Variants in ADCY2 observed in about 807,000 individuals in gnomAD.
The protein encoded by ADCY2 is adenylate cyclase type 2.
A neutral mutation model predicts 125.2 loss-of-function variants in ADCY2; 31 were observed. The observed-to-expected ratio is 0.25, with a 90% CI of 0.19 to 0.33. The LOEUF is 0.33. Among genes scored for constraint, ADCY2 ranks in the 10% least tolerant of loss-of-function variants. The probability of loss-of-function intolerance (pLI) is 1.00; values close to 1 mark genes in which losing one functional copy is unlikely to be tolerated. For synonymous variants in ADCY2, 512 were observed against 548.4 expected, an observed-to-expected ratio of 0.93 and a Z score of 0.93; for missense variants, 904 against 1,418.2, an observed-to-expected ratio of 0.64 and a Z score of 5.82.
intron 15 of ADCY2, 28 bp downstream of exon 15, chr5:7,743,780 G>T: frequency 6.2e-7 from 1 of 1,602,090 alleles, no homozygotes; most frequent in South Asian, 1.1e-5. Context: ...GCGCTTCTTT[G>T]AAAAGTATGC....
intron 3 of ADCY2, among the ~76,000 whole-genome samples, chr5:7,621,814 T>C (rs1737964424): frequency 6.6e-6 from 1 of 152,124 alleles, no homozygotes; most frequent in South Asian, 2.1e-4. Context: ...ACCCCACGTT[T>C]ACATCAAGAG....
chr5:7,655,067 T>C (rs1053008618), intron 4 of ADCY2, among the ~76,000 whole-genome samples: 2 of 152,176 alleles, frequency 1.3e-5, no homozygotes, highest in East Asian at 1.9e-4. Context: ...GAGTTTGGGG[T>C]GGATGGCTCC....
At chr5:7,626,710 C>T (rs947141474) in intron 4 of ADCY2, among the ~76,000 whole-genome samples, 3 of 152,104 alleles carry the variant, frequency 2.0e-5, no homozygotes, top group African/African-American at 7.2e-5. Flanking sequence ...AACCAACTCT[C>T]ATGGGAACAA....
intron 4 of ADCY2, among the ~76,000 whole-genome samples, chr5:7,680,884 C>A (rs1005065939): frequency 6.6e-6 from 1 of 152,076 alleles, no homozygotes; most frequent in Non-Finnish European, 1.5e-5. Flanking sequence ...GGAGGAGTCC[C>A]TGAAAGAAAA....
At chr5:7,496,723 C>T (rs1244839551) in intron 2 of ADCY2, among the ~76,000 whole-genome samples, 1 of 152,100 alleles carries the variant, frequency 6.6e-6, no homozygotes, top group African/African-American at 2.4e-5. Context: ...TTGAAAACCA[C>T]TAGCATTAAT....
chr5:7,657,076 A>G (rs1739364085), intron 4 of ADCY2, among the ~76,000 whole-genome samples: 1 of 152,220 alleles, frequency 6.6e-6, no homozygotes, highest in Non-Finnish European at 1.5e-5. Flanking sequence ...TGTATATGCA[A>G]AAGTGGATTT....
Position 7,766,795 on chromosome 5 carries a change from T to C in ADCY2, c.2203T>C (p.Phe735Leu). The C allele has an allele frequency of 6.2e-7, 1 of 1,610,436 alleles. No homozygotes were observed. The highest frequency in any genetic ancestry group is 8.5e-7 in the Non-Finnish European group (1 of 1,179,218). ...GGCGATTCTGCGTGCGCAGAATTTATTTTTCCTCCCGGTAAGAACATTGCA... is the reference window on the plus strand; with the variant it reads ...GGCGATTCTGCGTGCGCAGAATTTACTTTTCCTCCCGGTAAGAACATTGCA... ...QVAILRAQNL[F>L]FLPYFIYSCI... Residue 735 changes from phenylalanine (F) to leucine (L), a missense_variant, in exon 17 of 25, where the codon TTT becomes CTT. By Grantham distance (22) the Phe-to-Leu change is conservative. Around this residue, in one of 7 missense-constraint regions of ADCY2, gnomAD observed 221 missense variants for 246.2 expected, o/e 0.90. Transcript: ENST00000338316.
intron 4 of ADCY2, among the ~76,000 whole-genome samples, chr5:7,667,526 C>T (rs538131466): frequency 6.6e-6 from 1 of 152,046 alleles, no homozygotes; most frequent in East Asian, 1.9e-4. Flanking sequence ...TGATAATATC[C>T]CCTTCCAAGC....
Position 7,654,038 on chromosome 5 carries a change from G to A in ADCY2, c.720+27722G>A, listed in dbSNP as rs376684850. ...GGTCATGGACCTGCGCTGGGCCAGA[G>A]ATCTGCATTTGAGAGAAGCCAGCAG... On this transcript the variant is annotated intron_variant, in intron 4 of 24. Coordinates refer to ENST00000338316, the MANE Select transcript of ADCY2 (RefSeq NM_020546.3). 3.2e-4 allele frequency: 146 copies of A among 456,218 alleles called. 1 individual carries two copies. In the East Asian group the frequency reaches 9.9e-3, roughly 31 times the overall value. The allele number at this position is 456,218 out of a possible 1,614,324, so 28.3% of individuals were successfully genotyped here.
intron 3 of ADCY2, among the ~76,000 whole-genome samples, chr5:7,534,786 C>G (rs1553245): frequency 0.44 from 67,631 of 152,070 alleles, 16,744 homozygotes; most frequent in South Asian, 0.57. Flanking sequence ...GTCAGTGTCC[C>G]TGGACTTAAG....
At chr5:7,794,118 C>T (rs1433211764) in intron 20 of ADCY2, 2 of 152,206 alleles carry the variant, frequency 1.3e-5, no homozygotes, top group Non-Finnish European at 2.9e-5. Context: ...AACCTTAAAT[C>T]AGAGCATCAT....
At chr5:7,700,547 G>T (rs1283754523) in intron 7 of ADCY2, among the ~76,000 whole-genome samples, 1 of 149,408 alleles carries the variant, frequency 6.7e-6, no homozygotes, top group African/African-American at 2.5e-5. Flanking sequence ...TGAGCTTAAT[G>T]TTCTCATTCC....
At chr5:7,509,694 C>A (rs191470868) in intron 2 of ADCY2, among the ~76,000 whole-genome samples, 18 of 152,250 alleles carry the variant, frequency 1.2e-4, no homozygotes, top group Admixed American at 1.1e-3. Flanking sequence ...AATATGTATT[C>A]TTTTGCTTAA....
intron 4 of ADCY2, among the ~76,000 whole-genome samples, chr5:7,675,114 C>T (rs1201190271): frequency 6.6e-5 from 10 of 150,486 alleles, no homozygotes; most frequent in South Asian, 6.3e-4. Context: ...GCCGAGATAG[C>T]GCCACTGCAG....
intron 3 of ADCY2, among the ~76,000 whole-genome samples, chr5:7,577,538 G>A (rs1400441384): frequency 6.6e-6 from 1 of 152,110 alleles, no homozygotes; most frequent in Non-Finnish European, 1.5e-5. Flanking sequence ...GGCACTGGGG[G>A]TGGAGCCAAC....
intron 16 of ADCY2, among the ~76,000 whole-genome samples, chr5:7,758,717 A>G (rs1371976041): frequency 6.1e-5 from 1 of 16,422 alleles, no homozygotes; most frequent in Non-Finnish European, 2.4e-4. Context: ...CAACAGAGGC[A>G]TGAGGGGAAG....
intron 2 of ADCY2, among the ~76,000 whole-genome samples, chr5:7,501,090 G>C (rs1461741491): frequency 7.0e-6 from 1 of 143,840 alleles, no homozygotes; most frequent in Non-Finnish European, 1.5e-5. Flanking sequence ...TCTTTTTTTT[G>C]TTCGCAAGTA....
intron 4 of ADCY2, among the ~76,000 whole-genome samples, chr5:7,688,413 G>C (rs567314311): frequency 6.7e-6 from 1 of 150,078 alleles, no homozygotes. Flanking sequence ...GACTACAGGT[G>C]CCTGCCACCA....
intron 2 of ADCY2, among the ~76,000 whole-genome samples, chr5:7,479,835 G>T (rs1742663253): frequency 6.6e-6 from 1 of 152,084 alleles, no homozygotes; most frequent in African/African-American, 2.4e-5. Context: ...ACAAATGGGT[G>T]AGAATGTGCA....
Sources: allele counts gnomAD v4.1 joint callset (sites outside exome capture counted in the v4.1 genomes callset), GRCh38; gene constraint gnomAD v4.1.1; regional missense constraint gnomAD v4.1.1; transcripts MANE v1.5; gene names NCBI Gene and HGNC (gene_info 2026-07-23, HGNC 2026-07-21).